The following SERINC5 variants were observed in gnomAD, a reference collection of about 807,000 sequenced individuals.
The protein encoded by SERINC5 is chromosome 5 open reading frame 12.
Under a neutral mutation model 63.1 loss-of-function variants are expected in SERINC5, and 41 were observed. That is an observed-to-expected ratio of 0.65 (90% CI 0.51 to 0.84). The LOEUF (loss-of-function observed/expected upper bound fraction) is 0.84, where lower values mean the gene tolerates loss of function less well. SERINC5 is among the 40% of genes least tolerant of loss of function. The pLI, the probability that SERINC5 is intolerant of heterozygous loss-of-function variation, is 0.00. For missense variants in SERINC5, 523 were observed against 573.0 expected (o/e 0.91, Z 0.89); for synonymous variants, 222 against 215.2 (o/e 1.03, Z -0.28).
chr5:80,122,854 G>C (rs1373119535), intron 11 of SERINC5, among the ~76,000 whole-genome samples: 2 of 152,228 alleles, frequency 1.3e-5, no homozygotes, highest in East Asian at 3.9e-4. Flanking sequence ...CAGCTGTAAG[G>C]AACTGGATTC....
chr5:80,147,337 C>T, intron 9 of SERINC5, 53 bp from the exon 10 acceptor site: 1 of 1,573,788 alleles, frequency 6.4e-7, no homozygotes, highest in Admixed American at 1.8e-5. Context: ...TCTAGTCCAC[C>T]TCAGCAAGAC....
chr5:80,222,561 A>AGAGTGTGTGTGTGTGTGT (rs1326918451), intron 1 of SERINC5, among the ~76,000 whole-genome samples: 1 of 146,216 alleles, frequency 6.8e-6, no homozygotes, highest in Non-Finnish European at 1.5e-5. Context: ...TGAGTGTGTG[A>AGAGTGTGTGTGTGTGTGT]GTGTGTGAGT....
At chr5:80,208,462 T>C (rs1039989244) in intron 1 of SERINC5, among the ~76,000 whole-genome samples, 4 of 151,632 alleles carry the variant, frequency 2.6e-5, no homozygotes, top group Non-Finnish European at 5.9e-5. Context: ...ACTCAGTAAA[T>C]GGATGTTGGC....
chr5:80,145,863 A>C (rs1298002820), intron 11 of SERINC5, among the ~76,000 whole-genome samples: 1 of 152,190 alleles, frequency 6.6e-6, no homozygotes, highest in East Asian at 1.9e-4. Context: ...TATAAAAATT[A>C]GCTAGGCATG....
At chr5:80,205,415 C>T (rs541365520) in intron 1 of SERINC5, among the ~76,000 whole-genome samples, 1 of 152,312 alleles carries the variant, frequency 6.6e-6, no homozygotes, top group Non-Finnish European at 1.5e-5. Context: ...GATGAATGTA[C>T]AAGCACCCAG....
chr5:80,207,746 C>A (rs1388060521), intron 1 of SERINC5, among the ~76,000 whole-genome samples: 1 of 152,152 alleles, frequency 6.6e-6, no homozygotes, highest in South Asian at 2.1e-4. Context: ...ATGGACTAGC[C>A]TTTCTTACTA....
intron 2 of SERINC5, among the ~76,000 whole-genome samples, chr5:80,178,703 T>C (rs1211049923): frequency 1.3e-5 from 2 of 151,796 alleles, no homozygotes; most frequent in African/African-American, 2.4e-5. Flanking sequence ...TTTCAATACA[T>C]GGATATATTT....
At chr5:80,199,769 A>C (rs1276297654) in intron 2 of SERINC5, among the ~76,000 whole-genome samples, 1 of 152,228 alleles carries the variant, frequency 6.6e-6, no homozygotes, top group East Asian at 1.9e-4. Context: ...AATTCTATTA[A>C]AGAATAGCAA....
downstream of SERINC5, among the ~76,000 whole-genome samples, chr5:80,135,536 C>T (rs913184503): frequency 2.6e-5 from 4 of 152,134 alleles, no homozygotes; most frequent in Non-Finnish European, 5.9e-5. Context: ...ATAGAGAATC[C>T]CTTTCAAAAA....
rs73774229 is a variant in SERINC5, at chr5:80,236,203, G to A, written c.27+19693C>T. ...CATCTAACATTTATGAACTCATACT[G>A]TGGGCCAGCCACTGTTCCAAGCGCA... On this transcript the variant is annotated intron_variant, in intron 1 of 11. Coordinates refer to ENST00000507668, the MANE Select transcript of SERINC5 (RefSeq NM_001174072.3). 7.0e-3 allele frequency among the ~76,000 whole-genome samples: 1,064 copies of A among 152,254 alleles called. 12 individuals are homozygous for A. The highest frequency in any genetic ancestry group is 0.025 in the African/African-American group (1,021 of 41,538).
At position 80,177,359 on chromosome 5, in the gene SERINC5, C is replaced by T; in HGVS notation, c.413G>A (p.Cys138Tyr). Residue 138 changes from cysteine to tyrosine, a missense_variant, in exon 4 of 12, where the codon TGC (cysteine) becomes TAC (tyrosine). Transcript: ENST00000507668. Reference protein sequence around the residue: ...FFKLLLLGAMCSGAFFIPDQD... With the variant: ...FFKLLLLGAMYSGAFFIPDQD... Reference sequence around the variant, plus strand: ...ATCTGGAATGAAGAAAGCTCCTGAGCACATGGCCCCCAACAGCAGAAGTTT... The same window carrying T: ...ATCTGGAATGAAGAAAGCTCCTGAGTACATGGCCCCCAACAGCAGAAGTTT... 3 of 1,613,648 alleles carry T rather than the reference C, an allele frequency of 1.9e-6. No homozygotes were observed. The highest frequency in any genetic ancestry group is 2.5e-6 in the Non-Finnish European group (3 of 1,179,698).
intron 8 of SERINC5, chr5:80,156,993 CTTTTTTTTTTTTT>C (rs376131718): frequency 8.0e-6 from 1 of 124,682 alleles, no homozygotes; most frequent in Admixed American, 8.6e-5. Flanking sequence ...TTTTTTTTTT[CTTTTTTTTTTTTT>C]TTTTTGAAAT....
chr5:80,145,548 C>A (rs1745763463), intron 11 of SERINC5, among the ~76,000 whole-genome samples: 1 of 151,676 alleles, frequency 6.6e-6, no homozygotes, highest in South Asian at 2.1e-4. Context: ...AAAAGATACA[C>A]AAAATTTGAA....
At chr5:80,249,659 G>A (rs1270909690) in intron 1 of SERINC5, among the ~76,000 whole-genome samples, 1 of 151,924 alleles carries the variant, frequency 6.6e-6, no homozygotes, top group Non-Finnish European at 1.5e-5. Flanking sequence ...AAAATTAGCT[G>A]GGCGTGGTGG....
At chr5:80,165,572 G>A (rs2112370777) in intron 7 of SERINC5, among the ~76,000 whole-genome samples, 1 of 152,188 alleles carries the variant, frequency 6.6e-6, no homozygotes, top group East Asian at 1.9e-4. Flanking sequence ...AAACCAGGCA[G>A]TCCGACTTCA....
At chr5:80,148,323 T>C (rs575567035) in intron 9 of SERINC5, among the ~76,000 whole-genome samples, 1 of 150,888 alleles carries the variant, frequency 6.6e-6, no homozygotes, top group South Asian at 2.1e-4. Context: ...CCCAAGTAGC[T>C]GGGATTACAG....
intron 1 of SERINC5, among the ~76,000 whole-genome samples, chr5:80,254,289 A>T (rs1055106388): frequency 2.0e-5 from 3 of 152,210 alleles, no homozygotes; most frequent in Non-Finnish European, 4.4e-5. Flanking sequence ...TCACCATCAC[A>T]CAGCACTGAG....
In SERINC5 at chr5:80,141,830, G is replaced by A; in HGVS notation, c.*1833C>T. ...AAATTTAATGGAATTTACAAAACAAGGCTCTCTAAACCACACACACAGATG... is the reference window on the plus strand; with the variant it reads ...AAATTTAATGGAATTTACAAAACAAAGCTCTCTAAACCACACACACAGATG... On this transcript the variant is annotated 3_prime_UTR_variant, in exon 12 of 12. Transcript: ENST00000507668. 1.0e-6 allele frequency: 1 copy of A among 985,330 alleles called. No homozygotes were observed. The highest frequency in any genetic ancestry group is 1.2e-6 in the Non-Finnish European group (1 of 829,882). The allele number at this position is 985,330 out of a possible 1,614,324, so 61.0% of individuals were successfully genotyped here. A position where few individuals can be genotyped will look rare whatever the true frequency, so the allele number is the denominator to read the frequency against.
At chr5:80,116,659 T>C (rs1166907322) in intron 11 of SERINC5, among the ~76,000 whole-genome samples, 1 of 152,118 alleles carries the variant, frequency 6.6e-6, no homozygotes, top group South Asian at 2.1e-4. Flanking sequence ...TAGGCAGAGC[T>C]CTGCTGGCAG....
Sources: gnomAD v4.1 joint callset for allele counts (sites outside exome capture counted in the v4.1 genomes callset) on GRCh38, gnomAD v4.1.1 for gene constraint, MANE v1.5 for transcripts, NCBI Gene and HGNC (gene_info 2026-07-23, HGNC 2026-07-21) for gene names.